Variants in SEMA6C observed in about 807,000 individuals in gnomAD.
SEMA6C encodes semaphorin-6C.
Under a neutral mutation model 72.9 loss-of-function variants are expected in SEMA6C, and 37 were observed. The observed-to-expected ratio is 0.51, with a 90% confidence interval of 0.39 to 0.67. The LOEUF is 0.67. SEMA6C is among the 30% of genes least tolerant of loss of function. The pLI, the probability that SEMA6C is intolerant of heterozygous loss-of-function variation, is 0.00. For synonymous variants in SEMA6C, 578 were observed against 554.1 expected (o/e 1.04, Z -0.61); for missense variants, 1,189 against 1,263.6 (o/e 0.94, Z 0.89).
chr1:151,137,473 G>A (rs1006541517), intron 10 of SEMA6C, among the ~76,000 whole-genome samples: 2 of 148,968 alleles, frequency 1.3e-5, no homozygotes. Flanking sequence ...GAGCACCAAG[G>A]GAGCAATGTG....
At position 151,137,004 on chromosome 1, in the gene SEMA6C, T is replaced by C; in HGVS notation, c.827A>G (p.His276Arg). 6.2e-7 allele frequency: 1 copy of C among 1,614,080 alleles called. No individual in the cohort carries two copies. The highest frequency in any genetic ancestry group is 8.5e-7 in the Non-Finnish European group (1 of 1,180,012). ...CCGAAGCTTCAGGAAGGATGTCCAG[T>C]GGCGGTCCAAGGCCCGAGGCGAGCC... is the stretch of plus-strand genomic sequence containing the variant. The part of the protein sequence containing the change: ...MGGSPRALDR[H>R]WTSFLKLRLN... The change falls in exon 11 of 19, where the codon CAC becomes CGC. Residue 276 changes from histidine to arginine, a missense_variant. By Grantham distance (29) the His-to-Arg change is conservative. Coordinates refer to ENST00000368914, the MANE Select transcript of SEMA6C (RefSeq NM_030913.6).
intron 10 of SEMA6C, among the ~76,000 whole-genome samples, 163 bp from the exon 11 acceptor site, chr1:151,137,237 A>C (rs1682106407): frequency 6.6e-6 from 1 of 152,124 alleles, no homozygotes; most frequent in South Asian, 2.1e-4. Context: ...CGAGGTCAGG[A>C]GATCGAGACC....
chr1:151,133,258 C>T lies in SEMA6C; in HGVS notation c.2019G>A (p.Ala673=), dbSNP rs1377475365. The change falls in exon 19 of 19, where the codon GCG becomes GCA. Residue 673 remains alanine, a synonymous_variant. Coordinates refer to ENST00000368914, the MANE Select transcript of SEMA6C (RefSeq NM_030913.6). The surrounding 1 kb of genome is among the most constrained non-coding windows in gnomAD (Gnocchi z 5.9). ...TGGTGTAGAGCTGCGGCGTCTGCAC[C>T]GCGTCCCCGTCCTTGGAGGGCGGCG... is the stretch of plus-strand genomic sequence containing the variant. ...EPPPPSKDGD[A]VQTPQLYTTF... 5 of 1,577,924 alleles carry T rather than the reference C, an allele frequency of 3.2e-6. No individual in the cohort carries two copies. The East Asian group carries it at 6.9e-5, about 22-fold the overall frequency.
At chr1:151,141,857 A>C (rs991674763) in intron 3 of SEMA6C, among the ~76,000 whole-genome samples, 3 of 151,352 alleles carry the variant, frequency 2.0e-5, no homozygotes. Flanking sequence ...TCCTGGGCTC[A>C]AGTGATCTTC....
rs117254261 is a variant in SEMA6C at position 151,139,682 on chromosome 1, C to T, written c.253G>A (p.Asp85Asn). The T allele has an allele frequency of 3.7e-4, 586 of 1,605,014 alleles. 3 individuals carry two copies. The East Asian group carries it at 9.0e-3, about 25-fold the overall frequency. Residue 85 changes from aspartate (D) to asparagine (N), a missense_variant, in exon 5 of 19, where the codon GAT becomes AAT. Transcript: ENST00000368914. Reference sequence around the variant, plus strand: ...TCCCCTTCTTCTTCGGCTTGAAGATCGAAGGAGAAAACGTGATCCCTGAGG... The same window carrying T: ...TCCCCTTCTTCTTCGGCTTGAAGATTGAAGGAGAAAACGTGATCCCTGAGG... ...VAARDHVFSF[D>N]LQAEEEGEGL... is the part of the protein sequence containing the mutation.
At position 151,142,577 on chromosome 1, in the gene SEMA6C, C is replaced by A. The variant is rs1042338706; in HGVS notation, c.45G>T (p.Leu15=). The A allele has an allele frequency of 6.2e-7, 1 of 1,607,760 alleles. No homozygotes were observed. Among genetic ancestry groups the A allele is most frequent in the Non-Finnish European group, 8.5e-7 (1 of 1,176,826 alleles). Residue 15 remains leucine (L), a synonymous_variant, in exon 3 of 19, where the codon CTG becomes CTT. Transcript: ENST00000368914. ...PHFMPLLLLL[L]LLSLPHTQAA... is the part of the protein sequence containing the mutation. Reference sequence around the variant, plus strand: ...CCTGAGTATGGGGAAGTGAGAGCAGCAGCAGCAGTAGCAGCAAGGGCATGA... The same window carrying A: ...CCTGAGTATGGGGAAGTGAGAGCAGAAGCAGCAGTAGCAGCAAGGGCATGA...
intron 10 of SEMA6C, among the ~76,000 whole-genome samples, chr1:151,137,334 T>G (rs1247458234): frequency 6.6e-6 from 1 of 151,392 alleles, no homozygotes. Flanking sequence ...TAGTCCCAGC[T>G]GCTCGGGAGG....
At position 151,133,886 on chromosome 1, in the gene SEMA6C, G is replaced by A; in HGVS notation, c.1760-369C>T. On this transcript the variant is annotated intron_variant, in intron 18 of 18. Coordinates refer to ENST00000368914, the MANE Select transcript of SEMA6C (RefSeq NM_030913.6). The surrounding 1 kb of genome is among the most constrained non-coding windows in gnomAD (Gnocchi z 5.9). ...GTTAGTGAGCACCAAACACCATTCA[G>A]TGAGGGGCTTAGAACGCTCCGAGAA... 1 of 1,289,618 alleles carries A rather than the reference G, an allele frequency of 7.8e-7. No individual in the cohort carries two copies. The highest frequency in any genetic ancestry group is 1.1e-6 in the Non-Finnish European group (1 of 915,986). The allele number at this position is 1,289,618 out of a possible 1,614,324, so 79.9% of individuals were successfully genotyped here. A position where few individuals can be genotyped will look rare whatever the true frequency, so the allele number is the denominator to read the frequency against.
At chr1:151,135,013 G>T in intron 15 of SEMA6C, 138 bp from the exon 16 acceptor site, 1 of 1,345,692 alleles carries the variant, frequency 7.4e-7, no homozygotes. Context: ...TCCACACCCT[G>T]GTTGCTGCCC....
At chr1:151,139,751 T>C (rs780402374) in intron 4 of SEMA6C, 50 bp from the exon 5 acceptor site, 1 of 1,518,874 alleles carries the variant, frequency 6.6e-7, no homozygotes, top group East Asian at 2.3e-5. Context: ...GCACCCCACT[T>C]TACCCACAGT....
rs1166508740 is a variant in SEMA6C, at chr1:151,133,232, G to A, written c.2045C>T (p.Thr682Ile). 4 of 1,581,242 alleles carry A rather than the reference G, an allele frequency of 2.5e-6. No homozygotes were observed. Among genetic ancestry groups the A allele is most frequent in the African/African-American group, 1.4e-5 (1 of 74,022 alleles). Residue 682 changes from threonine (T) to isoleucine (I), a missense_variant, in exon 19 of 19, where the codon ACC (threonine) becomes ATC (isoleucine). Thr to Ile is a moderately conservative substitution (Grantham distance 89). This residue lies in a region of SEMA6C where 721 missense variants were observed against 686.2 expected (regional missense o/e 1.05). Coordinates refer to ENST00000368914, the MANE Select transcript of SEMA6C (RefSeq NM_030913.6). The surrounding 1 kb of genome is among the most constrained non-coding windows in gnomAD (Gnocchi z 5.9). ...CACGCCCTCCGGAGGCGGCAGGAAG[G>A]TGGTGTAGAGCTGCGGCGTCTGCAC... is the stretch of plus-strand genomic sequence containing the variant. ...DAVQTPQLYTTFLPPPEGVPP... is the reference protein window; with the variant it reads ...DAVQTPQLYTIFLPPPEGVPP...
In SEMA6C at chr1:151,132,323, CAATA is replaced by C. The variant is rs1225115391; in HGVS notation, c.*157_*160del. ...TGTCGAGGACAGGGGGAAAGACAGTCAATAAATAAACCCGAGGCGAAAAGGGGCC... is the reference window on the plus strand; with the variant it reads ...TGTCGAGGACAGGGGGAAAGACAGTCAATAAACCCGAGGCGAAAAGGGGCC... On this transcript the variant is annotated 3_prime_UTR_variant, in exon 19 of 19. Coordinates refer to ENST00000368914, the MANE Select transcript of SEMA6C (RefSeq NM_030913.6). The C allele has an allele frequency of 1.3e-6, 2 of 1,540,906 alleles. No homozygotes were observed. The highest frequency in any genetic ancestry group is 2.4e-5 in the East Asian group (1 of 40,848).
In SEMA6C at chr1:151,133,920, C is replaced by T. The variant is rs771363762; in HGVS notation, c.1760-403G>A. On this transcript the variant is annotated intron_variant, in intron 18 of 18. Transcript: ENST00000368914. The surrounding 1 kb of genome is among the most constrained non-coding windows in gnomAD (Gnocchi z 5.9). ...TTAGAACGCTCCGAGAATCAGCAGCCCCACACTTCACTCCTATCTCTCCCA... is the reference window on the plus strand; with the variant it reads ...TTAGAACGCTCCGAGAATCAGCAGCTCCACACTTCACTCCTATCTCTCCCA... 1.4e-6 allele frequency: 2 copies of T among 1,465,428 alleles called. No individual in the cohort carries two copies. The highest frequency in any genetic ancestry group is 2.4e-5 in the South Asian group (2 of 82,302). The allele number at this position is 1,465,428 out of a possible 1,614,324, so 90.8% of individuals were successfully genotyped here. A position where few individuals can be genotyped will look rare whatever the true frequency, so the allele number is the denominator to read the frequency against.
chr1:151,142,800 C>G (rs1682659706), intron 2 of SEMA6C, 125 bp from the exon 3 acceptor site: 1 of 550,104 alleles, frequency 1.8e-6, no homozygotes, highest in South Asian at 2.5e-5. Flanking sequence ...AGAACCCTCT[C>G]TCCAGCACTG....
chr1:151,136,634 C>T, intron 11 of SEMA6C, 55 bp from the exon 12 acceptor site: 1 of 1,604,802 alleles, frequency 6.2e-7, no homozygotes, highest in South Asian at 1.1e-5. Flanking sequence ...GCACAACTTC[C>T]CCCAGGAAGA....
Position 151,132,883 on chromosome 1 carries a change from C to T in SEMA6C, c.2394G>A (p.Glu798=). 1.5e-6 allele frequency: 2 copies of T among 1,308,392 alleles called. No homozygotes were observed. The highest frequency in any genetic ancestry group is 1.9e-6 in the Non-Finnish European group (2 of 1,029,478). 81.0% of individuals were successfully genotyped at this position (1,308,392 alleles called of 1,614,324 possible). The stretch of plus-strand genomic sequence containing the variant: ...GGCCGCCCAAGAGGGCGGGGGCGGG[C>T]TCCGGCGGGAGCGCCCGCGAGGTTA... ...APLTSRALPP[E]PAPALLGGPS... Residue 798 remains glutamate (E), a synonymous_variant, in exon 19 of 19, where the codon GAG becomes GAA. Coordinates refer to ENST00000368914, the MANE Select transcript of SEMA6C (RefSeq NM_030913.6).
intron 13 of SEMA6C, 104 bp downstream of exon 13, chr1:151,135,907 C>G: frequency 1.9e-5 from 29 of 1,546,452 alleles, no homozygotes; most frequent in Non-Finnish European, 2.5e-5. Flanking sequence ...CTTCTACTTT[C>G]ACAAGTTCTT....
Position 151,133,259 on chromosome 1 carries a change from G to T in SEMA6C, c.2018C>A (p.Ala673Glu). The T allele has an allele frequency of 1.3e-6, 2 of 1,578,596 alleles. No individual in the cohort carries two copies. ...EPPPPSKDGDAVQTPQLYTTF... is the reference protein window; with the variant it reads ...EPPPPSKDGDEVQTPQLYTTF... Reference sequence around the variant, plus strand: ...GGTGTAGAGCTGCGGCGTCTGCACCGCGTCCCCGTCCTTGGAGGGCGGCGG... The same window carrying T: ...GGTGTAGAGCTGCGGCGTCTGCACCTCGTCCCCGTCCTTGGAGGGCGGCGG... The change falls in exon 19 of 19, where the codon GCG becomes GAG. Residue 673 changes from alanine (A) to glutamate (E), a missense_variant. This residue lies in a region of SEMA6C where 721 missense variants were observed against 686.2 expected (regional missense o/e 1.05). Coordinates refer to ENST00000368914, the MANE Select transcript of SEMA6C (RefSeq NM_030913.6). This position sits in a 1 kb window ranked among gnomAD's most constrained non-coding sequence, Gnocchi z 5.9.
rs183887344 is a variant in SEMA6C at position 151,143,395 on chromosome 1, G to A, written c.-54-720C>T. On this transcript the variant is annotated intron_variant, in intron 2 of 18. Coordinates refer to ENST00000368914, the MANE Select transcript of SEMA6C (RefSeq NM_030913.6). The stretch of plus-strand genomic sequence containing the variant: ...TAGCTCTGGCTGCAGCTGTCTGCCC[G>A]ACCACTGTGCCACCCCCTCCAGGCT... 5.6e-4 allele frequency among the ~76,000 whole-genome samples: 85 copies of A among 152,228 alleles called. 1 individual carries two copies. Among genetic ancestry groups the A allele is most frequent in the East Asian group, 1.9e-4 (1 of 5,170 alleles).
Sources: allele counts gnomAD v4.1 joint callset (sites outside exome capture counted in the v4.1 genomes callset), GRCh38; gene constraint gnomAD v4.1.1; regional missense constraint gnomAD v4.1.1; non-coding constraint Gnocchi (gnomAD v3.1); transcripts MANE v1.5; gene names NCBI Gene and HGNC (gene_info 2026-07-23, HGNC 2026-07-21).